The following RYR2 variants were observed in gnomAD, a reference collection of about 807,000 sequenced individuals.
RYR2 encodes cardiac muscle ryanodine receptor-calcium release channel.
A neutral mutation model predicts 601.1 loss-of-function variants in RYR2; 227 were observed. The observed-to-expected ratio is 0.38, with a 90% CI of 0.34 to 0.42. The LOEUF is 0.42. Ranked by LOEUF, RYR2 falls within the 10% of genes least tolerant of loss-of-function variation. The pLI is 1.00. For missense variants in RYR2, 4,646 were observed against 6,156.5 expected, an observed-to-expected ratio of 0.75 and a Z score of 8.21; for synonymous variants, 2,223 against 2,175.1, an observed-to-expected ratio of 1.02 and a Z score of -0.61.
chr1:237,324,757 G>A (rs539361194), intron 2 of RYR2, among the ~76,000 whole-genome samples: 56 of 152,250 alleles, frequency 3.7e-4, no homozygotes, highest in South Asian at 1.5e-3. Context: ...TTCCTGGTAC[G>A]GGGATTTACT....
chr1:237,536,049 C>G (rs1021194194), intron 25 of RYR2, among the ~76,000 whole-genome samples: 5 of 151,902 alleles, frequency 3.3e-5, no homozygotes, highest in Non-Finnish European at 7.4e-5. Flanking sequence ...TTCAATAAGG[C>G]CAGTGCAGTG....
intron 1 of RYR2, among the ~76,000 whole-genome samples, chr1:237,165,701 C>G (rs1029012179): frequency 1.6e-4 from 25 of 152,188 alleles, no homozygotes; most frequent in Admixed American, 1.2e-3. Flanking sequence ...TTCATCTCTA[C>G]AAAGAAACTA....
intron 1 of RYR2, among the ~76,000 whole-genome samples, chr1:237,171,959 G>A (rs1035818138): frequency 6.6e-6 from 1 of 152,182 alleles, no homozygotes; most frequent in Non-Finnish European, 1.5e-5. Context: ...GTGTTTCCTG[G>A]ATGTTGGCCC....
chr1:237,275,136 TTTAAA>T (rs1690139094), intron 2 of RYR2, among the ~76,000 whole-genome samples: 1 of 151,956 alleles, frequency 6.6e-6, no homozygotes, highest in African/African-American at 2.4e-5. Context: ...CATAAAATGT[TTTAAA>T]TAAAAGGAAA....
chr1:237,258,277 G>A (rs1431191886), intron 1 of RYR2, among the ~76,000 whole-genome samples: 2 of 151,972 alleles, frequency 1.3e-5, no homozygotes, highest in Admixed American at 1.3e-4. Context: ...AGTGGAGAAT[G>A]ACGTGAGAAG....
chr1:237,430,799 C>T (rs1168718637), intron 12 of RYR2, among the ~76,000 whole-genome samples: 2 of 152,128 alleles, frequency 1.3e-5, no homozygotes, highest in Non-Finnish European at 2.9e-5. Context: ...TAGAGATTGC[C>T]CAAAGCAATA....
intron 1 of RYR2, among the ~76,000 whole-genome samples, chr1:237,197,717 G>A (rs906411205): frequency 6.6e-6 from 1 of 152,212 alleles, no homozygotes; most frequent in African/African-American, 2.4e-5. Flanking sequence ...GCAGTGGAGG[G>A]AATAGGAAGC....
intron 61 of RYR2, among the ~76,000 whole-genome samples, chr1:237,678,362 A>AT (rs913891236): frequency 2.2e-4 from 33 of 152,070 alleles, no homozygotes; most frequent in East Asian, 1.4e-3. Context: ...TTAGGTCTGC[A>AT]TTTTTTTTGT....
At chr1:237,453,434 T>G (rs1191283907) in intron 14 of RYR2, among the ~76,000 whole-genome samples, 1 of 152,154 alleles carries the variant, frequency 6.6e-6, no homozygotes, top group African/African-American at 2.4e-5. Flanking sequence ...TTCTCATTAA[T>G]GAGTATTTTA....
intron 12 of RYR2, among the ~76,000 whole-genome samples, chr1:237,432,531 C>G (rs4528105): frequency 0.86 from 130,670 of 152,174 alleles, 56,620 homozygotes; most frequent in East Asian, 1. Flanking sequence ...AAGGGATGGA[C>G]ATTTTTTATG....
At chr1:237,356,314 A>C (rs1023201990) in intron 4 of RYR2, among the ~76,000 whole-genome samples, 3 of 151,942 alleles carry the variant, frequency 2.0e-5, no homozygotes, top group Non-Finnish European at 2.9e-5. Flanking sequence ...GCAAAAAAAA[A>C]CAAAAAACAA....
At chr1:237,741,697 G>T (rs1252889853) in intron 79 of RYR2, among the ~76,000 whole-genome samples, 4 of 152,134 alleles carry the variant, frequency 2.6e-5, no homozygotes, top group Non-Finnish European at 5.9e-5. Flanking sequence ...CGCCTCCTGG[G>T]TTCAAGCAAT....
In RYR2 at chr1:237,501,030, G is replaced by C. The variant is rs776280614; in HGVS notation, c.2396+127G>C. ...TCTCTCCTGGGCACCTGTCCTCTGCGCATTTTGCCTGTGCCTTGAAGGAGG... is the reference window on the plus strand; with the variant it reads ...TCTCTCCTGGGCACCTGTCCTCTGCCCATTTTGCCTGTGCCTTGAAGGAGG... On this transcript the variant is annotated intron_variant, in intron 21 of 104. Transcript: ENST00000366574. 1.7e-5 allele frequency: 15 copies of C among 892,302 alleles called. No individual in the cohort carries two copies. In the East Asian group the frequency reaches 3.4e-4, roughly 20 times the overall value. 55.3% of individuals were successfully genotyped at this position (892,302 alleles called of 1,614,324 possible).
Position 237,655,854 on chromosome 1 carries a change from C to A in RYR2, c.7999C>A (p.Pro2667Thr). 1 of 1,607,138 alleles carries A rather than the reference C, an allele frequency of 6.2e-7. No homozygotes were observed. Among genetic ancestry groups the A allele is most frequent in the Non-Finnish European group, 8.5e-7 (1 of 1,176,506 alleles). Residue 2667 changes from proline to threonine, a missense_variant, in exon 53 of 105, where the codon CCT becomes ACT. By Grantham distance (38) the Pro-to-Thr change is conservative (BLOSUM62 -1). This residue lies in a region of RYR2 where 1,497 missense variants were observed against 1,842.6 expected (regional missense o/e 0.81). Coordinates refer to ENST00000366574, the MANE Select transcript of RYR2 (RefSeq NM_001035.3). ...YEQELFKLAL[P>T]CLSAVAGALP... is the part of the protein sequence containing the mutation. ...ACAAGAACTTTTCAAACTGGCACTG[C>A]CTTGCCTGAGTGCAGTTGCGGGAGC...
At chr1:237,789,014 G>A (rs932933196) in intron 92 of RYR2, among the ~76,000 whole-genome samples, 2 of 150,788 alleles carry the variant, frequency 1.3e-5, no homozygotes, top group Non-Finnish European at 1.5e-5. Flanking sequence ...AATTATATGT[G>A]TATATATGTA....
chr1:237,530,310 C>CAAA (rs34521733), intron 24 of RYR2, 117 bp from the exon 25 acceptor site: 815 of 585,842 alleles, frequency 1.4e-3, no homozygotes, highest in East Asian at 1.8e-3. Flanking sequence ...GACTCCGTCT[C>CAAA]AAAAAAAAAA....
intron 98 of RYR2, among the ~76,000 whole-genome samples, chr1:237,805,095 C>T (rs1488245158): frequency 6.6e-6 from 1 of 152,076 alleles, no homozygotes; most frequent in African/African-American, 2.4e-5. Context: ...ATATGAATAG[C>T]GCTGGGTTGA....
At position 237,628,080 on chromosome 1, in the gene RYR2, G is replaced by A; in HGVS notation, c.6440G>A (p.Gly2147Glu). 1 of 1,612,814 alleles carries A rather than the reference G, an allele frequency of 6.2e-7. No homozygotes were observed. The highest frequency in any genetic ancestry group is 8.5e-7 in the Non-Finnish European group (1 of 1,179,214). ...GAGAAGCTCATGATTCGTGGATTAG[G>A]GTAAATTATTTAACTACTACAACCC... ...EEEKLMIRGL[G>E]DIMNNKVFYQ... Residue 2147 changes from glycine (G) to glutamate (E), a missense_variant and splice_region_variant, in exon 41 of 105, where the codon GGG becomes GAG. Physicochemically the swap from Gly to Glu is moderately conservative, Grantham distance 98 (BLOSUM62 -2). Around this residue, in one of 17 missense-constraint regions of RYR2, gnomAD observed 137 missense variants for 273.6 expected, o/e 0.50. Transcript: ENST00000366574.
intron 22 of RYR2, among the ~76,000 whole-genome samples, chr1:237,506,493 G>A (rs1007068195): frequency 2.0e-5 from 3 of 151,324 alleles, no homozygotes; most frequent in African/African-American, 4.9e-5. Flanking sequence ...AGCAGAGATC[G>A]CGCCACTGCA....
Sources: gnomAD v4.1 joint callset for allele counts (sites outside exome capture counted in the v4.1 genomes callset) on GRCh38, gnomAD v4.1.1 for gene constraint, gnomAD v4.1.1 regional missense constraint, MANE v1.5 for transcripts, NCBI Gene and HGNC (gene_info 2026-07-23, HGNC 2026-07-21) for gene names.